The following SATB2 variants were observed in gnomAD, a reference collection of about 807,000 sequenced individuals.
SATB2 encodes SATB homeobox 2.
Under a neutral mutation model 73.4 loss-of-function variants are expected in SATB2, and 1 was observed. The observed-to-expected ratio is 0.01, with a 90% CI of 0.00 to 0.06. The LOEUF (loss-of-function observed/expected upper bound fraction) is 0.06. Among genes scored for constraint, SATB2 ranks in the 10% least tolerant of loss-of-function variants. The pLI is 1.00. For synonymous variants in SATB2, 397 were observed against 367.0 expected, an observed-to-expected ratio of 1.08 and a Z score of -0.93; for missense variants, 459 against 945.8, an observed-to-expected ratio of 0.49 and a Z score of 6.75.
intron 6 of SATB2, among the ~76,000 whole-genome samples, chr2:199,358,425 T>C (rs1270870517): frequency 1.3e-5 from 2 of 151,958 alleles, no homozygotes; most frequent in East Asian, 1.9e-4. Flanking sequence ...TCACCAAATA[T>C]AATTTAAAAA....
chr2:199,319,304 A>T lies in SATB2; in HGVS notation c.1542+4499T>A, dbSNP rs185718078. On this transcript the variant is annotated intron_variant, in intron 9 of 10. Transcript: ENST00000417098. ...GTGGGCCTGCAAGGGCATAGGTAGC[A>T]TGGAGGATTGGCAGAGGTCTTTAAA... 4.2e-4 allele frequency among the ~76,000 whole-genome samples: 64 copies of T among 152,272 alleles called. 1 individual carries two copies. Among genetic ancestry groups the T allele is most frequent in the African/African-American group, 1.5e-3 (62 of 41,566 alleles).
At chr2:199,338,564 A>G (rs1312770152) in intron 7 of SATB2, among the ~76,000 whole-genome samples, 1 of 152,122 alleles carries the variant, frequency 6.6e-6, no homozygotes, top group Non-Finnish European at 1.5e-5. Context: ...AGAAGCCTGA[A>G]TTTTCTATAA....
At chr2:199,392,199 T>G (rs1212227013) in intron 3 of SATB2, among the ~76,000 whole-genome samples, 1 of 152,114 alleles carries the variant, frequency 6.6e-6, no homozygotes, top group East Asian at 1.9e-4. Context: ...AGCATCTAGA[T>G]TAATCCACTA....
intron 7 of SATB2, 84 bp downstream of exon 7, chr2:199,348,617 T>C: frequency 9.0e-7 from 1 of 1,115,612 alleles, no homozygotes; most frequent in Non-Finnish European, 1.3e-6. Flanking sequence ...CATAAAGCTT[T>C]TTAAAGAGAT....
intron 10 of SATB2, among the ~76,000 whole-genome samples, chr2:199,304,238 GA>G (rs1176255757): frequency 6.6e-6 from 1 of 152,176 alleles, no homozygotes; most frequent in Non-Finnish European, 1.5e-5. Flanking sequence ...TCTAAGCTGA[GA>G]ATATCTATTC....
intron 10 of SATB2, among the ~76,000 whole-genome samples, chr2:199,307,723 TG>T (rs1185553009): frequency 6.6e-6 from 1 of 152,180 alleles, no homozygotes; most frequent in Non-Finnish European, 1.5e-5. Context: ...TGTTAACTTC[TG>T]GCTTCTCTCC....
intron 3 of SATB2, among the ~76,000 whole-genome samples, chr2:199,389,279 T>A (rs17199540): frequency 0.028 from 4,322 of 152,270 alleles, 91 homozygotes; most frequent in Admixed American, 0.065. Flanking sequence ...CTTGTTGGAA[T>A]AAACCTAACT....
intron 8 of SATB2, among the ~76,000 whole-genome samples, chr2:199,327,606 G>T (rs1409592695): frequency 2.0e-5 from 3 of 152,132 alleles, no homozygotes; most frequent in Non-Finnish European, 4.4e-5. Context: ...AAATGAGTGG[G>T]CTTGGATGTG....
chr2:199,403,540 T>C (rs1332534894), intron 3 of SATB2, among the ~76,000 whole-genome samples: 1 of 152,220 alleles, frequency 6.6e-6, no homozygotes, highest in African/African-American at 2.4e-5. Flanking sequence ...TCACATCATT[T>C]TGTATTTTTT....
chr2:199,328,749 C>A lies in SATB2; in HGVS notation c.1335G>T (p.Val445=). 2 of 1,613,796 alleles carry A rather than the reference C, an allele frequency of 1.2e-6. No homozygotes were observed. Among genetic ancestry groups the A allele is most frequent in the Non-Finnish European group, 1.7e-6 (2 of 1,179,926 alleles). The change falls in exon 8 of 11, where the codon GTG becomes GTT. Residue 445 remains valine (V), a synonymous_variant. Transcript: ENST00000417098. ...DERERSMNPN[V]SMVSSASSSP... is the part of the protein sequence containing the mutation. ...TGCTGGAGGCCGAGGAGACCATGCT[C>A]ACATTGGGATTCATGCTCCGCTCCC...
chr2:199,316,512 T>C (rs900968354), intron 9 of SATB2, among the ~76,000 whole-genome samples: 3 of 152,122 alleles, frequency 2.0e-5, no homozygotes, highest in Admixed American at 2.0e-4. Flanking sequence ...GTATACTAAA[T>C]TCTAAACTGT....
At chr2:199,351,029 CAA>C (rs35503848) in intron 6 of SATB2, among the ~76,000 whole-genome samples, 17 of 71,720 alleles carry the variant, frequency 2.4e-4, no homozygotes, top group Middle Eastern at 8.5e-3. Flanking sequence ...ACTCTGTCTC[CAA>C]AAAAAAAAAA....
intron 10 of SATB2, among the ~76,000 whole-genome samples, chr2:199,283,189 T>C (rs1385880394): frequency 1.3e-5 from 2 of 151,156 alleles, no homozygotes; most frequent in Non-Finnish European, 2.9e-5. Flanking sequence ...GTTCACGCCA[T>C]TCTCCTGCCT....
intron 3 of SATB2, among the ~76,000 whole-genome samples, chr2:199,391,518 T>C (rs910797467): frequency 6.6e-6 from 1 of 151,964 alleles, no homozygotes; most frequent in South Asian, 2.1e-4. Flanking sequence ...ATCAGGGACA[T>C]TTTCATATAT....
At chr2:199,352,200 C>T (rs1688838696) in intron 6 of SATB2, among the ~76,000 whole-genome samples, 1 of 152,180 alleles carries the variant, frequency 6.6e-6, no homozygotes, top group Non-Finnish European at 1.5e-5. Flanking sequence ...ACTGAAAAAA[C>T]ATAGAACCAT....
intron 1 of SATB2, among the ~76,000 whole-genome samples, chr2:199,456,979 G>GC (rs1346295248): frequency 4.6e-5 from 7 of 150,660 alleles, no homozygotes; most frequent in Admixed American, 2.6e-4. Flanking sequence ...GGGGGGTGGG[G>GC]GGGGGCGGGG....
chr2:199,342,814 C>T (rs768256670), intron 7 of SATB2, among the ~76,000 whole-genome samples: 1 of 152,088 alleles, frequency 6.6e-6, no homozygotes, highest in Non-Finnish European at 1.5e-5. Flanking sequence ...CAAACAAATA[C>T]ATTTTATATT....
chr2:199,411,567 A>G (rs1485419946), intron 3 of SATB2, among the ~76,000 whole-genome samples: 1 of 152,220 alleles, frequency 6.6e-6, no homozygotes, highest in Admixed American at 6.5e-5. Context: ...AGATAAACTG[A>G]AGTTCATGGA....
intron 10 of SATB2, among the ~76,000 whole-genome samples, chr2:199,290,771 T>C (rs866245211): frequency 2.0e-5 from 3 of 152,178 alleles, no homozygotes; most frequent in Non-Finnish European, 2.9e-5. Context: ...ATCAGTTTGC[T>C]TCTCTCTCTC....
Sources: gnomAD v4.1 joint callset for allele counts (sites outside exome capture counted in the v4.1 genomes callset) on GRCh38, gnomAD v4.1.1 for gene constraint, MANE v1.5 for transcripts, NCBI Gene and HGNC (gene_info 2026-07-23, HGNC 2026-07-21) for gene names.